Variants in STK32B observed in about 807,000 individuals in gnomAD.
STK32B encodes the protein serine/threonine-protein kinase 32B.
STK32B carries 43 observed loss-of-function variants against 52.6 expected under a neutral mutation model. That is an observed-to-expected ratio of 0.82 (90% CI 0.64 to 1.05). STK32B has a LOEUF of 1.05. Ranked by LOEUF, STK32B falls within the 50% of genes least tolerant of loss-of-function variation. STK32B has a pLI of 0.00. For synonymous variants in STK32B, 238 were observed against 204.3 expected, an observed-to-expected ratio of 1.17 and a Z score of -1.41; for missense variants, 621 against 534.6, an observed-to-expected ratio of 1.16 and a Z score of -1.59.
chr4:5,238,555 C>A (rs1054193411), intron 3 of STK32B, among the ~76,000 whole-genome samples: 1 of 152,178 alleles, frequency 6.6e-6, no homozygotes, highest in African/African-American at 2.4e-5. Context: ...AACATTCAAC[C>A]CGCTACAGAA....
chr4:5,322,022 G>A (rs1338904375), intron 3 of STK32B, among the ~76,000 whole-genome samples: 1 of 91,740 alleles, frequency 1.1e-5, no homozygotes, highest in Admixed American at 1.3e-4. Flanking sequence ...AAAAAAAAAA[G>A]TGGTGGGAGT....
At chr4:5,158,816 A>G (rs939059403) in intron 2 of STK32B, among the ~76,000 whole-genome samples, 1 of 152,088 alleles carries the variant, frequency 6.6e-6, no homozygotes, top group Non-Finnish European at 1.5e-5. Flanking sequence ...GTCATACTGG[A>G]TTGGGGCCCA....
At chr4:5,370,166 C>T (rs896311412) in intron 4 of STK32B, among the ~76,000 whole-genome samples, 13 of 151,670 alleles carry the variant, frequency 8.6e-5, no homozygotes, top group South Asian at 4.1e-4. Flanking sequence ...TGAGCCACCA[C>T]GCCCGACCCT....
chr4:5,259,526 A>G (rs1234798880), intron 3 of STK32B, among the ~76,000 whole-genome samples: 9 of 152,238 alleles, frequency 5.9e-5, no homozygotes, highest in Admixed American at 5.2e-4. Context: ...TTCTCTCTTT[A>G]TAAAGCAGAG....
chr4:5,052,191 G>C (rs1045209918), intron 1 of STK32B, among the ~76,000 whole-genome samples: 11 of 152,318 alleles, frequency 7.2e-5, no homozygotes, highest in East Asian at 3.9e-4. Flanking sequence ...CCTGCACTTG[G>C]GGGTGTGGAA....
intron 5 of STK32B, among the ~76,000 whole-genome samples, chr4:5,402,240 C>T (rs6835873): frequency 6.6e-6 from 1 of 152,018 alleles, no homozygotes; most frequent in African/African-American, 2.4e-5. Context: ...GAGGGGTGAA[C>T]AATTGAGGCC....
chr4:5,338,682 C>A (rs151047947), intron 4 of STK32B, among the ~76,000 whole-genome samples: 145 of 152,296 alleles, frequency 9.5e-4, no homozygotes, highest in African/African-American at 3.3e-3. Flanking sequence ...TGGCTGGAGC[C>A]ATTTCATTAT....
chr4:5,073,596 A>G (rs113838003), intron 1 of STK32B, among the ~76,000 whole-genome samples: 4 of 151,966 alleles, frequency 2.6e-5, no homozygotes, highest in Admixed American at 6.6e-5. Context: ...TATGGATTCA[A>G]AGTTTTATCA....
intron 1 of STK32B, among the ~76,000 whole-genome samples, chr4:5,077,854 G>A (rs185950936): frequency 9.9e-5 from 15 of 152,206 alleles, no homozygotes; most frequent in African/African-American, 3.1e-4. Flanking sequence ...CCTGTAGGAT[G>A]CTTTTGTCTT....
At chr4:5,320,558 C>T (rs1029153075) in intron 3 of STK32B, among the ~76,000 whole-genome samples, 2 of 152,064 alleles carry the variant, frequency 1.3e-5, no homozygotes, top group African/African-American at 4.8e-5. Context: ...GATATCAGGT[C>T]AAGTCTCAAG....
intron 7 of STK32B, among the ~76,000 whole-genome samples, chr4:5,450,308 G>C (rs999757828): frequency 6.6e-6 from 1 of 152,206 alleles, no homozygotes; most frequent in African/African-American, 2.4e-5. Context: ...ACTATGGAAA[G>C]AGATATGAGG....
At chr4:5,176,410 A>G (rs1049928195) in intron 3 of STK32B, among the ~76,000 whole-genome samples, 2 of 147,258 alleles carry the variant, frequency 1.4e-5, no homozygotes, top group African/African-American at 2.5e-5. Context: ...GGAGCTGTAG[A>G]CTGGAGCTGT....
At chr4:5,074,213 C>CGT (rs1242378250) in intron 1 of STK32B, among the ~76,000 whole-genome samples, 4 of 121,406 alleles carry the variant, frequency 3.3e-5, no homozygotes, top group African/African-American at 8.6e-5. Flanking sequence ...TGTGTGTGCG[C>CGT]GTGCGTGAAA....
At chr4:5,286,873 C>G (rs1053878216) in intron 3 of STK32B, among the ~76,000 whole-genome samples, 9 of 148,586 alleles carry the variant, frequency 6.1e-5, no homozygotes, top group African/African-American at 2.0e-4. Context: ...TCTTGGCTCA[C>G]TGCAACCTCT....
rs1280918954 is a variant in STK32B, at chr4:5,400,290, A to G, written c.472+2046A>G. 6.6e-6 allele frequency among the ~76,000 whole-genome samples: 1 copy of G among 152,094 alleles called. No individual in the cohort carries two copies. Among genetic ancestry groups the G allele is most frequent in the East Asian group, 1.9e-4 (1 of 5,164 alleles). ...TTTCCTGCCTTTTGGATTTCCATCC[A>G]TCCCATTCCGCCTCCCTTTCTGTAC... On this transcript the variant is annotated intron_variant, in intron 5 of 11. Transcript: ENST00000282908. This position sits in a 1 kb window ranked among gnomAD's most constrained non-coding sequence, Gnocchi z 6.1.
chr4:5,249,441 ACCTTCCTTCCTTCCTT>A (rs149485895), intron 3 of STK32B, among the ~76,000 whole-genome samples: 10,608 of 137,392 alleles, frequency 0.077, 934 homozygotes, highest in African/African-American at 0.19. Flanking sequence ...CTTCCTACCT[ACCTTCCTTCCTTCCTT>A]CCTTCCTTCC....
chr4:5,127,599 C>G (rs1418646189), intron 1 of STK32B, among the ~76,000 whole-genome samples: 1 of 146,042 alleles, frequency 6.8e-6, no homozygotes, highest in Non-Finnish European at 1.5e-5. Flanking sequence ...AGTTAAGCAA[C>G]TTGAGATAAA....
At chr4:5,186,831 T>C (rs1459608541) in intron 3 of STK32B, among the ~76,000 whole-genome samples, 5 of 152,222 alleles carry the variant, frequency 3.3e-5, no homozygotes, top group Non-Finnish European at 7.3e-5. Flanking sequence ...TGTAGCACCA[T>C]GGAAACTTCA....
At chr4:5,457,731 A>G in intron 8 of STK32B, among the ~76,000 whole-genome samples, 1 of 151,408 alleles carries the variant, frequency 6.6e-6, no homozygotes, top group African/African-American at 2.4e-5. Flanking sequence ...CCACCTACAA[A>G]AGTAGGTGGC....
Sources: allele counts gnomAD v4.1 joint callset (sites outside exome capture counted in the v4.1 genomes callset), GRCh38; gene constraint gnomAD v4.1.1; non-coding constraint Gnocchi (gnomAD v3.1); transcripts MANE v1.5; gene names NCBI Gene and HGNC (gene_info 2026-07-23, HGNC 2026-07-21).